The following RAB3IP variants were observed in gnomAD, a reference collection of about 807,000 sequenced individuals.
RAB3IP encodes the protein rab-3A-interacting protein.
A neutral mutation model predicts 59.1 loss-of-function variants in RAB3IP; 36 were observed. The ratio of observed to expected loss-of-function variants is 0.61; its 90% CI spans 0.47 to 0.80. The LOEUF is 0.80. Among genes scored for constraint, RAB3IP ranks in the 30% least tolerant of loss-of-function variants. The pLI is 0.00. For synonymous variants in RAB3IP, 207 were observed against 191.2 expected, an observed-to-expected ratio of 1.08 and a Z score of -0.68; for missense variants, 511 against 536.0, an observed-to-expected ratio of 0.95 and a Z score of 0.46.
intron 3 of RAB3IP, among the ~76,000 whole-genome samples, chr12:69,782,497 A>G (rs1874906810): frequency 6.6e-6 from 1 of 152,138 alleles, no homozygotes; most frequent in African/African-American, 2.4e-5. Flanking sequence ...CCTTAATAAG[A>G]TATGATGTTG....
At chr12:69,771,142 A>G (rs998244338) in intron 3 of RAB3IP, among the ~76,000 whole-genome samples, 2 of 152,218 alleles carry the variant, frequency 1.3e-5, no homozygotes, top group African/African-American at 4.8e-5. Flanking sequence ...TTCACTTAAC[A>G]TGATGTCCTC....
intron 1 of RAB3IP, among the ~76,000 whole-genome samples, chr12:69,752,215 G>T (rs1159138492): frequency 6.6e-6 from 1 of 151,028 alleles, no homozygotes; most frequent in African/African-American, 2.4e-5. Context: ...TGTTGCCCAG[G>T]CTAGTCTTTT....
At chr12:69,802,243 A>G (rs974310699) in intron 8 of RAB3IP, among the ~76,000 whole-genome samples, 2 of 151,998 alleles carry the variant, frequency 1.3e-5, no homozygotes, top group Admixed American at 1.3e-4. Flanking sequence ...TTGGGAAGGT[A>G]CTGAGTTAGA....
chr12:69,740,622 A>G (rs751043327), intron 1 of RAB3IP, among the ~76,000 whole-genome samples: 1 of 152,192 alleles, frequency 6.6e-6, no homozygotes, highest in African/African-American at 2.4e-5. Flanking sequence ...TTTAATGTTT[A>G]GCTGCTTTGT....
At chr12:69,797,896 G>A (rs1045182903) in intron 6 of RAB3IP, among the ~76,000 whole-genome samples, 4 of 152,072 alleles carry the variant, frequency 2.6e-5, no homozygotes, top group African/African-American at 9.7e-5. Context: ...GTGTATATGT[G>A]CCACATTTTC....
In RAB3IP at chr12:69,815,447, T is replaced by C; in HGVS notation, c.*1T>C. ...GGGTTATTTCAAAGAGGAACTCTGA[T>C]GCTCTGCGTGGGACCATGCCTGAAC... is the stretch of plus-strand genomic sequence containing the variant. On this transcript the variant is annotated 3_prime_UTR_variant, in exon 11 of 11. Transcript: ENST00000247833. The C allele has an allele frequency of 6.2e-7, 1 of 1,603,998 alleles. No homozygotes were observed. Among genetic ancestry groups the C allele is most frequent in the Non-Finnish European group, 8.5e-7 (1 of 1,170,890 alleles).
At chr12:69,791,558 A>G (rs1482279994) in intron 4 of RAB3IP, among the ~76,000 whole-genome samples, 2 of 152,212 alleles carry the variant, frequency 1.3e-5, no homozygotes, top group Admixed American at 6.5e-5. Flanking sequence ...CAACCGGTAT[A>G]TGATAAGATA....
intron 8 of RAB3IP, among the ~76,000 whole-genome samples, chr12:69,808,470 T>C (rs1350880562): frequency 6.6e-6 from 1 of 152,226 alleles, no homozygotes; most frequent in African/African-American, 2.4e-5. Flanking sequence ...CTCGTTGATC[T>C]GTGTTGACAC....
chr12:69,803,104 T>C (rs1277514307), intron 8 of RAB3IP, among the ~76,000 whole-genome samples: 1 of 152,192 alleles, frequency 6.6e-6, no homozygotes, highest in East Asian at 1.9e-4. Flanking sequence ...AATTTGTGCT[T>C]GCATTATATA....
chr12:69,739,452 A>C, intron 1 of RAB3IP: 1 of 171,276 alleles, frequency 5.8e-6, no homozygotes, highest in Non-Finnish European at 1.2e-5. Context: ...GCGGTCGCGA[A>C]GAGGATGAAG....
rs184166608 is a variant in RAB3IP, at chr12:69,803,647, C to T, written c.1130+1926C>T. ...TATCTCCTAATGCTATCCCTCCCCA[C>T]TCCCCCAACCCCACAACAGTCCCCG... On this transcript the variant is annotated intron_variant, in intron 8 of 10. Coordinates refer to ENST00000247833, the MANE Select transcript of RAB3IP (RefSeq NM_022456.5). Among the ~76,000 whole-genome samples, 495 of 152,056 alleles carry T rather than the reference C, an allele frequency of 3.3e-3. 5 individuals are homozygous for T. The highest frequency in any genetic ancestry group is 0.011 in the African/African-American group (444 of 41,486).
chr12:69,795,095 C>T (rs1877230904), intron 5 of RAB3IP, 46 bp from the exon 6 acceptor site: 1 of 1,414,016 alleles, frequency 7.1e-7, no homozygotes, highest in African/African-American at 1.4e-5. Flanking sequence ...CTGCATATGT[C>T]ATGAAACGTA....
intron 4 of RAB3IP, among the ~76,000 whole-genome samples, chr12:69,785,638 G>T (rs1210364083): frequency 6.6e-6 from 1 of 152,134 alleles, no homozygotes; most frequent in African/African-American, 2.4e-5. Flanking sequence ...TTCTATTCAG[G>T]CCATCAACTG....
chr12:69,742,655 G>A (rs1887461038), intron 1 of RAB3IP, among the ~76,000 whole-genome samples: 2 of 152,184 alleles, frequency 1.3e-5, no homozygotes, highest in Admixed American at 1.3e-4. Context: ...GTTGAAGAAT[G>A]TTAGGATGTT....
intron 3 of RAB3IP, among the ~76,000 whole-genome samples, chr12:69,759,677 G>A (rs1399118497): frequency 6.7e-6 from 1 of 150,342 alleles, no homozygotes; most frequent in South Asian, 2.1e-4. Flanking sequence ...CCTCCCGGAC[G>A]GGGCGGCTGG....
At chr12:69,771,966 T>A (rs940001911) in intron 3 of RAB3IP, among the ~76,000 whole-genome samples, 2 of 152,210 alleles carry the variant, frequency 1.3e-5, no homozygotes, top group African/African-American at 4.8e-5. Context: ...TTCAGGTCTT[T>A]TGCCCATTTT....
rs537860931 is a variant in RAB3IP at position 69,821,331 on chromosome 12, T to G, written c.*5885T>G. 6.6e-6 allele frequency: 1 copy of G among 152,190 alleles called. No homozygotes were observed. Among genetic ancestry groups the G allele is most frequent in the South Asian group, 2.1e-4 (1 of 4,816 alleles). The allele number at this position is 152,190 out of a possible 1,614,324, so 9.4% of individuals were successfully genotyped here. A position where few individuals can be genotyped will look rare whatever the true frequency, so the allele number is the denominator to read the frequency against. On this transcript the variant is annotated 3_prime_UTR_variant, in exon 11 of 11. Transcript: ENST00000247833. ...CTGCAAAATGGGGATATCAAGAGAG[T>G]TGGAAAATGTAAGACGTAAAGACCA...
chr12:69,760,273 G>A (rs1485731661), intron 3 of RAB3IP, among the ~76,000 whole-genome samples: 1 of 152,246 alleles, frequency 6.6e-6, no homozygotes, highest in Non-Finnish European at 1.5e-5. Flanking sequence ...GCAGGCACTC[G>A]GCAGGCTGAG....
At chr12:69,738,634 C>T (rs1003626845), upstream of RAB3IP, 3 of 151,490 alleles carry the variant, frequency 2.0e-5, no homozygotes, top group Non-Finnish European at 3.0e-5. Context: ...CAGAGCGCAG[C>T]TCCGGCTCGC....
Sources: gnomAD v4.1 joint callset for allele counts (sites outside exome capture counted in the v4.1 genomes callset) on GRCh38, gnomAD v4.1.1 for gene constraint, MANE v1.5 for transcripts, NCBI Gene and HGNC (gene_info 2026-07-23, HGNC 2026-07-21) for gene names.